CELF1: variants seen among roughly 807,000 people sequenced by gnomAD.
CELF1 encodes CUGBP Elav-like family member 1.
A neutral mutation model predicts 61.8 loss-of-function variants in CELF1; 10 were observed. That is an observed-to-expected ratio of 0.16 (90% CI 0.10 to 0.27). The LOEUF (loss-of-function observed/expected upper bound fraction) is 0.27. Among genes scored for constraint, CELF1 ranks in the 10% least tolerant of loss-of-function variants. The pLI, the probability that CELF1 is intolerant of heterozygous loss-of-function variation, is 1.00. For synonymous variants in CELF1, 236 were observed against 225.1 expected, an observed-to-expected ratio of 1.05 and a Z score of -0.43; for missense variants, 380 against 639.1, an observed-to-expected ratio of 0.59 and a Z score of 4.37.
intron 1 of CELF1, among the ~76,000 whole-genome samples, chr11:47,536,046 G>A (rs1040995387): frequency 6.6e-6 from 1 of 152,124 alleles, no homozygotes; most frequent in African/African-American, 2.4e-5. Flanking sequence ...ATAGGCATGA[G>A]CCACTGCACC....
chr11:47,549,773 A>C (rs1333910565), intron 1 of CELF1, among the ~76,000 whole-genome samples: 1 of 152,090 alleles, frequency 6.6e-6, no homozygotes, highest in Non-Finnish European at 1.5e-5. Flanking sequence ...TTAATGTCAC[A>C]GAACACTTAA....
intron 1 of CELF1, among the ~76,000 whole-genome samples, chr11:47,536,622 G>C (rs1211527145): frequency 6.6e-6 from 1 of 152,060 alleles, no homozygotes; most frequent in Admixed American, 6.6e-5. Flanking sequence ...AAAATTACCT[G>C]GGCGTGGTGG....
rs566258688 is a variant in CELF1, at chr11:47,472,210, A to G, written c.*20T>C. On this transcript the variant is annotated 3_prime_UTR_variant, in exon 15 of 15. Transcript: ENST00000687097. ...ACTTACCAGAAGACCCTCTCACTCC[A>G]GTCTCAGAGGGGAGCACGCTCAGTA... 1.4e-5 allele frequency: 22 copies of G among 1,612,458 alleles called. No individual in the cohort carries two copies. Among genetic ancestry groups the G allele is most frequent in the Non-Finnish European group, 1.7e-5 (20 of 1,179,308 alleles).
At chr11:47,565,443 G>C in exon 1 of CELF1, 3 of 478,646 alleles carry the variant, frequency 6.3e-6, no homozygotes, top group Non-Finnish European at 9.4e-6. Flanking sequence ...CGAGGCCGCC[G>C]GGCCCTCCTC....
At chr11:47,544,827 T>C (rs1273037259) in intron 1 of CELF1, among the ~76,000 whole-genome samples, 1 of 151,076 alleles carries the variant, frequency 6.6e-6, no homozygotes, top group Non-Finnish European at 1.5e-5. Context: ...CCAGGTATGG[T>C]GGCACATGCC....
intron 9 of CELF1, chr11:47,482,421 A>T: frequency 3.8e-6 from 1 of 261,024 alleles, no homozygotes; most frequent in Non-Finnish European, 7.2e-6. Flanking sequence ...AGGACACAAG[A>T]TGTTTCTAAA....
chr11:47,553,379 A>G (rs2097189184), upstream of CELF1, among the ~76,000 whole-genome samples: 1 of 152,070 alleles, frequency 6.6e-6, no homozygotes, highest in Non-Finnish European at 1.5e-5. Context: ...GCAGGGGCGC[A>G]TCTCTTTGTC....
At chr11:47,520,998 T>C (rs2095857824) in intron 1 of CELF1, among the ~76,000 whole-genome samples, 1 of 152,228 alleles carries the variant, frequency 6.6e-6, no homozygotes, top group South Asian at 2.1e-4. Flanking sequence ...ACGCCTGTAA[T>C]CCCAGCACTC....
In CELF1 at chr11:47,466,681, A is replaced by AGAAAAG. The variant is rs1171821287; in HGVS notation, c.*5543_*5548dup. On this transcript the variant is annotated 3_prime_UTR_variant, in exon 15 of 15. Coordinates refer to ENST00000687097, the MANE Select transcript of CELF1 (RefSeq NM_001376376.1). Reference sequence around the variant, plus strand: ...CAGAACAATTAAAACAATCAGAGAGAGAAAAGGAAAAGGAAACAACGTCCA... The same window carrying AGAAAAG: ...CAGAACAATTAAAACAATCAGAGAGAGAAAAGGAAAAGGAAAAGGAAACAACGTCCA... 1 of 152,200 alleles carries AGAAAAG rather than the reference A, an allele frequency of 6.6e-6. No homozygotes were observed. Among genetic ancestry groups the AGAAAAG allele is most frequent in the Non-Finnish European group, 1.5e-5 (1 of 68,036 alleles). The allele number at this position is 152,200 out of a possible 1,614,324, so 9.4% of individuals were successfully genotyped here.
chr11:47,515,863 T>C (rs750776146), intron 1 of CELF1, among the ~76,000 whole-genome samples: 4 of 152,214 alleles, frequency 2.6e-5, no homozygotes, highest in Non-Finnish European at 5.9e-5. Context: ...AGGCAGCTTG[T>C]AAAATGCCTT....
intron 14 of CELF1, 38 bp downstream of exon 14, chr11:47,473,050 A>G (rs1565732539): frequency 6.2e-7 from 1 of 1,603,148 alleles, no homozygotes; most frequent in East Asian, 2.2e-5. Context: ...GTGGTAAAAT[A>G]CTAATCCCAT....
intron 4 of CELF1, 107 bp from the exon 5 acceptor site, chr11:47,487,348 TA>T: frequency 1.3e-6 from 1 of 761,730 alleles, no homozygotes; most frequent in Non-Finnish European, 2.1e-6. Flanking sequence ...CTGGGTTTAT[TA>T]AAATTAGTGA....
chr11:47,496,434 T>C (rs1168313832), intron 3 of CELF1, among the ~76,000 whole-genome samples: 3 of 152,230 alleles, frequency 2.0e-5, no homozygotes, highest in Non-Finnish European at 4.4e-5. Flanking sequence ...TACTACACAC[T>C]ATAGGGCTCT....
intron 1 of CELF1, chr11:47,513,794 ATTCC>A (rs1708778377): frequency 6.7e-6 from 1 of 149,282 alleles, no homozygotes; most frequent in African/African-American, 2.5e-5. Flanking sequence ...TTTCATAAGT[ATTCC>A]TTCCTGTTTT....
chr11:47,513,098 G>T (rs2095327219), intron 1 of CELF1, among the ~76,000 whole-genome samples: 1 of 152,134 alleles, frequency 6.6e-6, no homozygotes. Context: ...CTAACACTAG[G>T]TCATCTAAAA....
chr11:47,543,573 G>C (rs2096862554), intron 1 of CELF1, among the ~76,000 whole-genome samples: 1 of 152,176 alleles, frequency 6.6e-6, no homozygotes, highest in African/African-American at 2.4e-5. Context: ...CCAATTCTAT[G>C]ACAAGACCAA....
intron 1 of CELF1, among the ~76,000 whole-genome samples, chr11:47,539,891 G>A (rs1006945125): frequency 2.6e-5 from 4 of 152,152 alleles, no homozygotes; most frequent in African/African-American, 9.7e-5. Flanking sequence ...GTACGAGCCT[G>A]AACTTGGCTG....
chr11:47,510,560 C>T (rs868433903), intron 1 of CELF1, among the ~76,000 whole-genome samples: 2 of 152,146 alleles, frequency 1.3e-5, no homozygotes, highest in Non-Finnish European at 2.9e-5. Flanking sequence ...CATCTCGGCT[C>T]ACTGCAACCT....
At chr11:47,520,402 C>G (rs958250969) in intron 1 of CELF1, among the ~76,000 whole-genome samples, 3 of 152,178 alleles carry the variant, frequency 2.0e-5, no homozygotes, top group African/African-American at 7.2e-5. Context: ...CTGTGTTTTC[C>G]TGTCACTCTC....
Sources: gnomAD v4.1 joint callset for allele counts (sites outside exome capture counted in the v4.1 genomes callset) on GRCh38, gnomAD v4.1.1 for gene constraint, MANE v1.5 for transcripts, NCBI Gene and HGNC (gene_info 2026-07-23, HGNC 2026-07-21) for gene names.